The following DSCAML1 variants were observed in gnomAD, a reference collection of about 807,000 sequenced individuals.
The protein encoded by DSCAML1 is cell adhesion molecule DSCAML1.
A neutral mutation model predicts 200.5 loss-of-function variants in DSCAML1; 38 were observed. The ratio of observed to expected loss-of-function variants is 0.19; its 90% CI spans 0.15 to 0.25. The LOEUF is 0.25. Ranked by LOEUF, DSCAML1 falls within the 10% of genes least tolerant of loss-of-function variation. The probability of loss-of-function intolerance (pLI) is 1.00; values close to 1 mark genes in which losing one functional copy is unlikely to be tolerated. For missense variants in DSCAML1, 2,223 were observed against 2,858.8 expected, an observed-to-expected ratio of 0.78 and a Z score of 5.07; for synonymous variants, 1,215 against 1,165.0, an observed-to-expected ratio of 1.04 and a Z score of -0.87.
intron 3 of DSCAML1, among the ~76,000 whole-genome samples, chr11:117,763,093 G>T (rs905463671): frequency 6.6e-6 from 1 of 152,138 alleles, no homozygotes; most frequent in Non-Finnish European, 1.5e-5. Flanking sequence ...CGGTTCCTGG[G>T]GTTAGGGCCA....
At chr11:117,644,195 A>G (rs2052473220) in intron 3 of DSCAML1, among the ~76,000 whole-genome samples, 1 of 151,890 alleles carries the variant, frequency 6.6e-6, no homozygotes, top group South Asian at 2.1e-4. Flanking sequence ...CTTCACAGCC[A>G]CCCCCACCAA....
chr11:117,515,643 G>T (rs2049749440), intron 8 of DSCAML1, among the ~76,000 whole-genome samples: 1 of 58,352 alleles, frequency 1.7e-5, no homozygotes, highest in African/African-American at 7.0e-5. Context: ...TTTTGAGACA[G>T]AGTTTCAACT....
chr11:117,731,155 C>T (rs1008019210), intron 3 of DSCAML1, among the ~76,000 whole-genome samples: 4 of 151,944 alleles, frequency 2.6e-5, no homozygotes, highest in African/African-American at 9.7e-5. Context: ...ATGTGAATCT[C>T]AATAAAGCTG....
chr11:117,760,351 G>C (rs977331127), intron 3 of DSCAML1, among the ~76,000 whole-genome samples: 1 of 152,146 alleles, frequency 6.6e-6, no homozygotes, highest in Non-Finnish European at 1.5e-5. Context: ...AGAGGTAAGC[G>C]CTACCCTGAA....
At chr11:117,478,443 TG>T (rs1217998712) in intron 14 of DSCAML1, among the ~76,000 whole-genome samples, 1 of 152,206 alleles carries the variant, frequency 6.6e-6, no homozygotes, top group Non-Finnish European at 1.5e-5. Context: ...TCAGCCCTTT[TG>T]TCCCCTTTGC....
At position 117,678,058 on chromosome 11, in the gene DSCAML1, G is replaced by A. The variant is rs192257771; in HGVS notation, c.511+98733C>T. On this transcript the variant is annotated intron_variant, in intron 3 of 32. Coordinates refer to ENST00000651296, the MANE Select transcript of DSCAML1 (RefSeq NM_020693.4). ...GCATGGGGAGCAGTGCAGTGTTAAA[G>A]GCCCAGAGAGCTTCCTCCAAATAAC... Among the ~76,000 whole-genome samples the A allele has an allele frequency of 3.1e-3, 472 of 152,342 alleles. 1 individual carries two copies. Among genetic ancestry groups the A allele is most frequent in the Non-Finnish European group, 4.6e-3 (316 of 68,030 alleles).
At chr11:117,757,238 ATCT>A (rs1371527716) in intron 3 of DSCAML1, among the ~76,000 whole-genome samples, 1 of 152,218 alleles carries the variant, frequency 6.6e-6, no homozygotes, top group East Asian at 1.9e-4. Flanking sequence ...TTCATATCTA[ATCT>A]TCTTAACACA....
At chr11:117,653,172 G>C (rs557140037) in intron 3 of DSCAML1, among the ~76,000 whole-genome samples, 36 of 152,154 alleles carry the variant, frequency 2.4e-4, no homozygotes, top group Non-Finnish European at 2.5e-4. Context: ...TCCTCAGCCA[G>C]GCTTGTCTCG....
intron 3 of DSCAML1, among the ~76,000 whole-genome samples, chr11:117,773,529 G>GCA (rs59492776): frequency 0.18 from 25,527 of 144,186 alleles, 2,507 homozygotes; most frequent in African/African-American, 0.29. Context: ...ACCTCAAAAT[G>GCA]CACACACACA....
intron 3 of DSCAML1, among the ~76,000 whole-genome samples, chr11:117,558,633 C>T (rs1193826289): frequency 2.6e-5 from 4 of 152,150 alleles, no homozygotes; most frequent in Admixed American, 2.6e-4. Context: ...GACAAAACTC[C>T]TCAGACACTG....
chr11:117,786,057 G>A (rs955197338), intron 1 of DSCAML1, among the ~76,000 whole-genome samples: 2 of 152,088 alleles, frequency 1.3e-5, no homozygotes, highest in African/African-American at 2.4e-5. Flanking sequence ...CCCTGACAGA[G>A]ATTCCTCCCT....
At chr11:117,657,931 A>C (rs1481639187) in intron 3 of DSCAML1, among the ~76,000 whole-genome samples, 1 of 152,168 alleles carries the variant, frequency 6.6e-6, no homozygotes, top group East Asian at 1.9e-4. Flanking sequence ...TCTGGTGCAT[A>C]CGCTGGCCCA....
chr11:117,650,667 C>CTGTGTGTGTGTGTGTG (rs66966642), intron 3 of DSCAML1, among the ~76,000 whole-genome samples: 16 of 143,532 alleles, frequency 1.1e-4, no homozygotes, highest in African/African-American at 2.9e-4. Context: ...GTGTGTCTAT[C>CTGTGTGTGTGTGTGTG]TGTGTGTGTG....
At chr11:117,682,104 T>C (rs981996154) in intron 3 of DSCAML1, among the ~76,000 whole-genome samples, 3 of 152,194 alleles carry the variant, frequency 2.0e-5, no homozygotes, top group African/African-American at 7.2e-5. Context: ...GTCACAAAGA[T>C]GCCTGGGTGC....
chr11:117,512,760 A>ATC (rs1209833895), intron 8 of DSCAML1, among the ~76,000 whole-genome samples: 2 of 60,716 alleles, frequency 3.3e-5, no homozygotes, highest in African/African-American at 1.2e-4. Flanking sequence ...GTCCTCTAGG[A>ATC]TCACACACAC....
intron 1 of DSCAML1, among the ~76,000 whole-genome samples, chr11:117,790,120 C>G (rs2055433234): frequency 6.6e-6 from 1 of 152,216 alleles, no homozygotes; most frequent in Admixed American, 6.5e-5. Context: ...GGGTGTCCAC[C>G]AGTCTCGACT....
chr11:117,769,542 TATATTTTATA>T (rs371217991), intron 3 of DSCAML1, among the ~76,000 whole-genome samples: 4,984 of 10,374 alleles, frequency 0.48, 749 homozygotes, highest in South Asian at 0.6. Flanking sequence ...ATATATATTA[TATATTTTATA>T]TATATATTTT....
At position 117,776,773 on chromosome 11, in the gene DSCAML1, C is replaced by A. The variant is rs762448042; in HGVS notation, c.511+18G>T. 1.2e-6 allele frequency: 2 copies of A among 1,613,762 alleles called. No individual in the cohort carries two copies. The highest frequency in any genetic ancestry group is 1.3e-5 in the African/African-American group (1 of 74,898). On this transcript the variant is annotated intron_variant, in intron 3 of 32. Transcript: ENST00000651296. The stretch of plus-strand genomic sequence containing the variant: ...GAGGGAGCACCTCTGTCTGCCGCAG[C>A]CCCGGGACGCTTCTTACCTGGGATG...
intron 14 of DSCAML1, among the ~76,000 whole-genome samples, chr11:117,477,233 ACT>A (rs774571920): frequency 2.7e-5 from 4 of 148,576 alleles, no homozygotes; most frequent in Middle Eastern, 3.2e-3. Flanking sequence ...ACACGTGCAC[ACT>A]CTCTCCTTTC....
Sources: gnomAD v4.1 joint callset for allele counts (sites outside exome capture counted in the v4.1 genomes callset) on GRCh38, gnomAD v4.1.1 for gene constraint, MANE v1.5 for transcripts, NCBI Gene and HGNC (gene_info 2026-07-23, HGNC 2026-07-21) for gene names.